Variants in HS6ST3 observed in about 807,000 individuals in gnomAD.
HS6ST3 encodes the protein heparan-sulfate 6-O-sulfotransferase 3.
HS6ST3 carries 12 observed loss-of-function variants against 36.7 expected under a neutral mutation model. That is an observed-to-expected ratio of 0.33 (90% CI 0.21 to 0.53). HS6ST3 has a LOEUF of 0.53. Ranked by LOEUF, HS6ST3 falls within the 20% of genes least tolerant of loss-of-function variation. HS6ST3 has a pLI of 0.95. For missense variants in HS6ST3, 584 were observed against 640.9 expected, an observed-to-expected ratio of 0.91 and a Z score of 0.96; for synonymous variants, 240 against 257.5, an observed-to-expected ratio of 0.93 and a Z score of 0.65.
chr13:96,335,845 T>C (rs2055098261), intron 1 of HS6ST3, among the ~76,000 whole-genome samples: 1 of 152,234 alleles, frequency 6.6e-6, no homozygotes, highest in African/African-American at 2.4e-5. Flanking sequence ...AGACTCCTTT[T>C]GTGAGTGTCA....
chr13:96,728,897 A>C (rs970760764), intron 1 of HS6ST3, among the ~76,000 whole-genome samples: 24 of 152,184 alleles, frequency 1.6e-4, no homozygotes, highest in Admixed American at 6.5e-5. Context: ...CATTCAGTGT[A>C]GGTTGGAAAG....
intron 1 of HS6ST3, among the ~76,000 whole-genome samples, chr13:96,783,294 A>ACTGC (rs1877569268): frequency 6.6e-6 from 1 of 152,088 alleles, no homozygotes; most frequent in South Asian, 2.1e-4. Flanking sequence ...TTGCGTTATG[A>ACTGC]CTGCTTTTCT....
chr13:96,760,404 T>G (rs1876935184), intron 1 of HS6ST3, among the ~76,000 whole-genome samples: 1 of 152,134 alleles, frequency 6.6e-6, no homozygotes, highest in Admixed American at 6.5e-5. Context: ...CCACTCATAT[T>G]TTTGCTCCAT....
intron 1 of HS6ST3, among the ~76,000 whole-genome samples, chr13:96,100,122 A>G (rs1451792695): frequency 6.6e-6 from 1 of 152,168 alleles, no homozygotes; most frequent in Non-Finnish European, 1.5e-5. Context: ...AAATCCTAAA[A>G]TAACTGAATC....
intron 1 of HS6ST3, among the ~76,000 whole-genome samples, chr13:96,297,772 C>T (rs1021202534): frequency 1.3e-5 from 2 of 152,098 alleles, no homozygotes; most frequent in African/African-American, 2.4e-5. Context: ...CATCTGCACT[C>T]CTATAAAATT....
At chr13:96,504,611 A>T (rs1348500370) in intron 1 of HS6ST3, among the ~76,000 whole-genome samples, 7 of 152,078 alleles carry the variant, frequency 4.6e-5, no homozygotes, top group Non-Finnish European at 1.0e-4. Context: ...CAGCTATGGT[A>T]CAGAATGATG....
chr13:96,689,915 ACAG>A (rs1325454087), intron 1 of HS6ST3, among the ~76,000 whole-genome samples: 2 of 152,086 alleles, frequency 1.3e-5, no homozygotes, highest in East Asian at 3.9e-4. Context: ...CTGAAGATTC[ACAG>A]CAGAAGGGGG....
rs187092174 is a variant in HS6ST3, at chr13:96,479,981, A to T, written c.708-352509A>T. Among the ~76,000 whole-genome samples, 806 of 152,190 alleles carry T rather than the reference A, an allele frequency of 5.3e-3. 7 individuals are homozygous for T. The highest frequency in any genetic ancestry group is 9.0e-3 in the Non-Finnish European group (612 of 67,990). On this transcript the variant is annotated intron_variant, in intron 1 of 1. Coordinates refer to ENST00000376705, the MANE Select transcript of HS6ST3 (RefSeq NM_153456.4). ...TGCTCCCATCTCCTTGGTTAGAACT[A>T]GTGGGCCCACTCAGTGACAGGATTG...
chr13:96,337,590 C>T (rs2055108356), intron 1 of HS6ST3, among the ~76,000 whole-genome samples: 1 of 152,156 alleles, frequency 6.6e-6, no homozygotes, highest in Non-Finnish European at 1.5e-5. Context: ...CTACTTGGAA[C>T]ATTGTAGTTC....
chr13:96,218,507 C>G (rs1315075095), intron 1 of HS6ST3, among the ~76,000 whole-genome samples: 2 of 152,282 alleles, frequency 1.3e-5, no homozygotes, highest in East Asian at 3.9e-4. Context: ...TGTCACAGTT[C>G]CTCCGGGAAC....
rs939092074 is a variant in HS6ST3, at chr13:96,658,376, G to A, written c.708-174114G>A. Among the ~76,000 whole-genome samples the A allele has an allele frequency of 3.5e-5, 5 of 144,698 alleles. No individual in the cohort carries two copies. In the Admixed American group the frequency reaches 3.6e-4, roughly 10 times the overall value. 94.9% of individuals were successfully genotyped at this position (144,698 alleles called of 152,430 possible). ...GCTCACTGCAACCTCTGCCTCCTGG[G>A]TTTAAGTGATTCTTCTGCCTCAGCC... On this transcript the variant is annotated intron_variant, in intron 1 of 1. Coordinates refer to ENST00000376705, the MANE Select transcript of HS6ST3 (RefSeq NM_153456.4).
chr13:96,492,025 A>G (rs1420168901), intron 1 of HS6ST3, among the ~76,000 whole-genome samples: 1 of 152,116 alleles, frequency 6.6e-6, no homozygotes, highest in African/African-American at 2.4e-5. Flanking sequence ...CTTAATGACT[A>G]TCCTTCTCAA....
At chr13:96,721,528 A>G (rs1875845537) in intron 1 of HS6ST3, among the ~76,000 whole-genome samples, 1 of 152,246 alleles carries the variant, frequency 6.6e-6, no homozygotes, top group Non-Finnish European at 1.5e-5. Context: ...AGCTAATGTC[A>G]AACGAGCCAA....
chr13:96,112,185 A>G (rs1305844450), intron 1 of HS6ST3, among the ~76,000 whole-genome samples: 1 of 152,214 alleles, frequency 6.6e-6, no homozygotes, highest in Non-Finnish European at 1.5e-5. Context: ...ACAGAATGGT[A>G]GGGAAAAGAA....
At chr13:96,614,880 G>T (rs1175477272) in intron 1 of HS6ST3, among the ~76,000 whole-genome samples, 1 of 151,978 alleles carries the variant, frequency 6.6e-6, no homozygotes, top group Non-Finnish European at 1.5e-5. Flanking sequence ...TGAATTTTAG[G>T]TTTGTTTTCA....
intron 1 of HS6ST3, among the ~76,000 whole-genome samples, chr13:96,322,757 G>A (rs1461489939): frequency 6.6e-6 from 1 of 152,016 alleles, no homozygotes; most frequent in East Asian, 1.9e-4. Flanking sequence ...TCATGAACCC[G>A]TTATAATCAG....
intron 1 of HS6ST3, among the ~76,000 whole-genome samples, chr13:96,238,164 T>TGG (rs34555659): frequency 6.6e-6 from 1 of 152,116 alleles, no homozygotes. Context: ...GAAAGAACTC[T>TGG]GGGGGGTCAT....
At chr13:96,658,268 CTTTTTTTTTTTTTTTTTT>C (rs71213623) in intron 1 of HS6ST3, among the ~76,000 whole-genome samples, 8 of 76,172 alleles carry the variant, frequency 1.1e-4, no homozygotes, top group Admixed American at 1.7e-4. Context: ...TCTTCTTCTT[CTTTTTTTTTTTTTTTTTT>C]TTTTTTTTTT....
intron 1 of HS6ST3, among the ~76,000 whole-genome samples, chr13:96,404,995 C>CT (rs1296678881): frequency 2.6e-5 from 4 of 152,176 alleles, no homozygotes; most frequent in African/African-American, 9.7e-5. Flanking sequence ...CAAGTTCTCC[C>CT]TTTGCCTGCC....
Sources: allele counts gnomAD v4.1 joint callset (sites outside exome capture counted in the v4.1 genomes callset), GRCh38; gene constraint gnomAD v4.1.1; transcripts MANE v1.5; gene names NCBI Gene and HGNC (gene_info 2026-07-23, HGNC 2026-07-21).